The following MDFIC2 variants were observed in gnomAD, a reference collection of about 807,000 sequenced individuals.
MDFIC2 encodes myoD family inhibitor domain-containing protein 2.
intron 2 of MDFIC2, among the ~76,000 whole-genome samples, chr3:70,227,090 A>C (rs1701515052): frequency 6.6e-6 from 1 of 152,218 alleles, no homozygotes; most frequent in Non-Finnish European, 1.5e-5. Flanking sequence ...CCCAGCACAC[A>C]AATTATATCC....
chr3:70,299,518 A>G (rs1327176903), intron 2 of MDFIC2, among the ~76,000 whole-genome samples: 2 of 152,124 alleles, frequency 1.3e-5, no homozygotes, highest in Admixed American at 1.3e-4. Context: ...AATCTCTGTA[A>G]TCTCTGACAA....
intron 2 of MDFIC2, among the ~76,000 whole-genome samples, chr3:70,236,294 C>A (rs1701608175): frequency 6.6e-6 from 1 of 152,168 alleles, no homozygotes; most frequent in Non-Finnish European, 1.5e-5. Flanking sequence ...ACTTTAAACT[C>A]CCTGCACTTA....
chr3:70,212,205 G>A (rs569425583), intron 2 of MDFIC2, among the ~76,000 whole-genome samples: 6 of 152,228 alleles, frequency 3.9e-5, no homozygotes, highest in Non-Finnish European at 7.4e-5. Flanking sequence ...AGAATTCAGA[G>A]AAGCACAACA....
intron 2 of MDFIC2, among the ~76,000 whole-genome samples, chr3:70,260,721 C>T (rs1701858307): frequency 1.3e-5 from 2 of 152,048 alleles, no homozygotes; most frequent in South Asian, 4.2e-4. Context: ...TAACTTATCC[C>T]TCCCCTTTCA....
intron 2 of MDFIC2, among the ~76,000 whole-genome samples, chr3:70,269,035 G>A (rs995002841): frequency 1.1e-4 from 17 of 151,974 alleles, no homozygotes; most frequent in Non-Finnish European, 2.4e-4. Context: ...ATTCTATTGT[G>A]ATAGGATATA....
intron 2 of MDFIC2, among the ~76,000 whole-genome samples, chr3:70,269,694 A>G (rs1490920460): frequency 6.6e-6 from 1 of 152,088 alleles, no homozygotes; most frequent in East Asian, 1.9e-4. Context: ...TATATTTAAT[A>G]TAGTGGCAAA....
chr3:70,302,926 A>C (rs1267464732), intron 2 of MDFIC2, among the ~76,000 whole-genome samples: 1 of 152,188 alleles, frequency 6.6e-6, no homozygotes, highest in Admixed American at 6.5e-5. Flanking sequence ...AACCATCAGC[A>C]GTAGGATGTG....
intron 3 of MDFIC2, among the ~76,000 whole-genome samples, chr3:70,202,608 A>G (rs1400295010): frequency 6.6e-6 from 1 of 152,114 alleles, no homozygotes; most frequent in Non-Finnish European, 1.5e-5. Context: ...TTAAACCTGA[A>G]TTAAAGAAGG....
intron 2 of MDFIC2, among the ~76,000 whole-genome samples, chr3:70,285,180 TATACCTCCC>T (rs1170256693): frequency 6.6e-6 from 1 of 150,600 alleles, no homozygotes; most frequent in Non-Finnish European, 1.5e-5. Flanking sequence ...TAGCATTAGG[TATACCTCCC>T]AATGCTATCC....
At chr3:70,209,335 T>C (rs948746009) in intron 2 of MDFIC2, among the ~76,000 whole-genome samples, 1 of 152,068 alleles carries the variant, frequency 6.6e-6, no homozygotes, top group African/African-American at 2.4e-5. Flanking sequence ...GCATTTCCCT[T>C]GTGGGACAAA....
chr3:70,286,330 T>G lies in MDFIC2; in HGVS notation c.88+25556A>C, dbSNP rs201968208. The stretch of plus-strand genomic sequence containing the variant: ...TTAAATAGGGAATCCTTTCCCCATT[T>G]CTTGTTTTTGTCAGGTTTGTCAAAG... On this transcript the variant is annotated intron_variant, in intron 2 of 3. Coordinates refer to ENST00000567252, the MANE Select transcript of MDFIC2 (RefSeq NM_001364677.1). Among the ~76,000 whole-genome samples the G allele has an allele frequency of 3.5e-3, 530 of 152,172 alleles. 16 individuals carry two copies. In the East Asian group the frequency reaches 0.062, roughly 18 times the overall value.
chr3:70,288,143 G>T lies in MDFIC2; in HGVS notation c.88+23743C>A, dbSNP rs1441460169. ...TCTTGCTTTTCTAGTTCTTTTAATT[G>T]TGATGTTAGGGTGTCAATTTTGGAT... On this transcript the variant is annotated intron_variant, in intron 2 of 3. Transcript: ENST00000567252. Among the ~76,000 whole-genome samples the T allele has an allele frequency of 4.8e-5, 7 of 144,402 alleles. No homozygotes were observed. In the East Asian group the frequency reaches 1.4e-3, roughly 29 times the overall value. The allele number at this position is 144,402 out of a possible 152,430, so 94.7% of individuals were successfully genotyped here. A position where few individuals can be genotyped will look rare whatever the true frequency, so the allele number is the denominator to read the frequency against.
At position 70,288,576 on chromosome 3, in the gene MDFIC2, C is replaced by T. The variant is rs1306424418; in HGVS notation, c.88+23310G>A. Among the ~76,000 whole-genome samples, 722 of 147,396 alleles carry T rather than the reference C, an allele frequency of 4.9e-3. 3 individuals carry two copies. Among genetic ancestry groups the T allele is most frequent in the Non-Finnish European group, 7.9e-3 (532 of 66,940 alleles). ...GAGTTCTGTAGATGTCTATTAGGTC[C>T]ACTTGCTGCAGAGCTGAGTTCAATT... is the stretch of plus-strand genomic sequence containing the variant. On this transcript the variant is annotated intron_variant, in intron 2 of 3. Transcript: ENST00000567252.
intron 2 of MDFIC2, among the ~76,000 whole-genome samples, chr3:70,241,962 C>T (rs1260240423): frequency 6.6e-6 from 1 of 152,158 alleles, no homozygotes; most frequent in Non-Finnish European, 1.5e-5. Context: ...TGTTTAGGCC[C>T]TTAGAGTTTA....
At chr3:70,244,385 T>A (rs571207631) in intron 2 of MDFIC2, among the ~76,000 whole-genome samples, 1 of 152,350 alleles carries the variant, frequency 6.6e-6, no homozygotes, top group Admixed American at 6.5e-5. Flanking sequence ...GGCAGTCTTA[T>A]GGGCCTGTCA....
At chr3:70,234,580 C>T (rs1214236112) in intron 2 of MDFIC2, among the ~76,000 whole-genome samples, 4 of 151,270 alleles carry the variant, frequency 2.6e-5, no homozygotes, top group Non-Finnish European at 5.9e-5. Flanking sequence ...GTCGAGGCTG[C>T]AGTGAGCCAT....
intron 2 of MDFIC2, among the ~76,000 whole-genome samples, chr3:70,268,805 T>C (rs1701947884): frequency 6.6e-6 from 1 of 152,186 alleles, no homozygotes; most frequent in Middle Eastern, 3.2e-3. Flanking sequence ...TATTTTTCCT[T>C]CATCTACAAA....
intron 2 of MDFIC2, among the ~76,000 whole-genome samples, chr3:70,269,745 A>G (rs1359978579): frequency 6.6e-6 from 1 of 152,226 alleles, no homozygotes; most frequent in Admixed American, 6.5e-5. Context: ...AAAAATGCCT[A>G]GTCTATTGAA....
rs1445601296 is a variant in MDFIC2 at position 70,257,173 on chromosome 3, G to C, written c.89-50383C>G. Among the ~76,000 whole-genome samples, 3 of 152,200 alleles carry C rather than the reference G, an allele frequency of 2.0e-5. No individual in the cohort carries two copies. In the East Asian group the frequency reaches 5.8e-4, roughly 29 times the overall value. ...TGTCATGATTATCATAGGAAATTTTGTGAACTATACATTTGGTCTTCCCTA... is the reference window on the plus strand; with the variant it reads ...TGTCATGATTATCATAGGAAATTTTCTGAACTATACATTTGGTCTTCCCTA... On this transcript the variant is annotated intron_variant, in intron 2 of 3. Transcript: ENST00000567252.
Sources: gnomAD v4.1 joint callset for allele counts (sites outside exome capture counted in the v4.1 genomes callset) on GRCh38, gnomAD v4.1.1 for gene constraint, MANE v1.5 for transcripts, NCBI Gene and HGNC (gene_info 2026-07-23, HGNC 2026-07-21) for gene names.